The following PTPRZ1 variants were observed in gnomAD, a reference collection of about 807,000 sequenced individuals.
PTPRZ1 encodes the protein protein tyrosine phosphatase receptor type Z1.
PTPRZ1 carries 82 observed loss-of-function variants against 214.1 expected under a neutral mutation model. The observed-to-expected ratio is 0.38, with a 90% CI of 0.32 to 0.46. The LOEUF (loss-of-function observed/expected upper bound fraction) is 0.46, where lower values mean the gene tolerates loss of function less well. Among genes scored for constraint, PTPRZ1 ranks in the 20% least tolerant of loss-of-function variants. PTPRZ1 has a pLI of 1.00. For missense variants in PTPRZ1, 2,603 were observed against 2,748.7 expected (o/e 0.95, Z 1.19); for synonymous variants, 945 against 987.9 (o/e 0.96, Z 0.81).
intron 12 of PTPRZ1, among the ~76,000 whole-genome samples, chr7:122,017,999 G>A (rs1453149466): frequency 6.6e-6 from 1 of 152,070 alleles, no homozygotes; most frequent in Non-Finnish European, 1.5e-5. Flanking sequence ...TGCTATATAT[G>A]TGCACTTATA....
chr7:121,987,820 A>G (rs1388639792), intron 8 of PTPRZ1, among the ~76,000 whole-genome samples: 1 of 152,238 alleles, frequency 6.6e-6, no homozygotes, highest in African/African-American at 2.4e-5. Flanking sequence ...GTACATATAC[A>G]CTATGGAACA....
At chr7:121,918,341 A>G (rs1795487339) in intron 1 of PTPRZ1, among the ~76,000 whole-genome samples, 1 of 152,220 alleles carries the variant, frequency 6.6e-6, no homozygotes, top group Non-Finnish European at 1.5e-5. Context: ...AGGTTTACCC[A>G]CAAAATGCAG....
Position 122,061,384 on chromosome 7 carries a change from G to T in PTPRZ1, c.*164G>T. 2.0e-6 allele frequency: 1 copy of T among 502,172 alleles called. No individual in the cohort carries two copies. The highest frequency in any genetic ancestry group is 3.1e-6 in the Non-Finnish European group (1 of 319,664). 31.1% of individuals were successfully genotyped at this position (502,172 alleles called of 1,614,324 possible). A position where few individuals can be genotyped will look rare whatever the true frequency, so the allele number is the denominator to read the frequency against. ...CAAATTTATATCATTAACAATGTGTGCCTTTTTGCAAGACTTGTAATTTAC... is the reference window on the plus strand; with the variant it reads ...CAAATTTATATCATTAACAATGTGTTCCTTTTTGCAAGACTTGTAATTTAC... On this transcript the variant is annotated 3_prime_UTR_variant, in exon 30 of 30. Transcript: ENST00000393386.
At chr7:121,937,103 A>G (rs1402758681) in intron 2 of PTPRZ1, among the ~76,000 whole-genome samples, 2 of 152,168 alleles carry the variant, frequency 1.3e-5, no homozygotes, top group Non-Finnish European at 2.9e-5. Flanking sequence ...TCTAACTACC[A>G]CAGAATATTC....
intron 5 of PTPRZ1, among the ~76,000 whole-genome samples, 153 bp from the exon 6 acceptor site, chr7:121,976,628 CTTTA>C (rs1797443117): frequency 6.6e-6 from 1 of 151,848 alleles, no homozygotes; most frequent in Admixed American, 6.6e-5. Context: ...TTTTTGTTTG[CTTTA>C]TTTGTTTTCA....
intron 1 of PTPRZ1, among the ~76,000 whole-genome samples, chr7:121,878,890 G>GAA (rs200941915): frequency 8.6e-5 from 13 of 150,972 alleles, no homozygotes; most frequent in African/African-American, 2.9e-4. Flanking sequence ...AAGCTTCTTA[G>GAA]AAAAAAAAAT....
Position 122,061,386 on chromosome 7 carries a change from C to T in PTPRZ1, c.*166C>T. The T allele has an allele frequency of 2.0e-6, 1 of 489,250 alleles. No homozygotes were observed. Among genetic ancestry groups the T allele is most frequent in the Middle Eastern group, 5.3e-4 (1 of 1,904 alleles). The allele number at this position is 489,250 out of a possible 1,614,324, so 30.3% of individuals were successfully genotyped here. ...AATTTATATCATTAACAATGTGTGC[C>T]TTTTTGCAAGACTTGTAATTTACTT... On this transcript the variant is annotated 3_prime_UTR_variant, in exon 30 of 30. Coordinates refer to ENST00000393386, the MANE Select transcript of PTPRZ1 (RefSeq NM_002851.3).
chr7:121,886,497 C>T (rs987347155), intron 1 of PTPRZ1, among the ~76,000 whole-genome samples: 2 of 151,002 alleles, frequency 1.3e-5, no homozygotes, highest in African/African-American at 2.4e-5. Context: ...CACACACAGC[C>T]GTAAAAATAA....
intron 1 of PTPRZ1, among the ~76,000 whole-genome samples, chr7:121,889,281 T>G (rs1238306293): frequency 6.6e-6 from 1 of 152,098 alleles, no homozygotes; most frequent in Non-Finnish European, 1.5e-5. Context: ...CTTCTGAAGT[T>G]TTTGATAAGG....
chr7:122,023,591 T>C (rs1182397608), intron 13 of PTPRZ1, among the ~76,000 whole-genome samples: 1 of 122,304 alleles, frequency 8.2e-6, no homozygotes, highest in African/African-American at 3.5e-5. Context: ...ATTATATATA[T>C]TATATGTATA....
chr7:122,044,801 A>G (rs1799835460), intron 23 of PTPRZ1, among the ~76,000 whole-genome samples: 1 of 152,198 alleles, frequency 6.6e-6, no homozygotes, highest in Non-Finnish European at 1.5e-5. Flanking sequence ...TAACTTTTAT[A>G]AATGCAAACT....
At chr7:121,987,305 G>A (rs1201044874) in intron 8 of PTPRZ1, among the ~76,000 whole-genome samples, 1 of 152,090 alleles carries the variant, frequency 6.6e-6, no homozygotes, top group Non-Finnish European at 1.5e-5. Context: ...TCTTAAGGCA[G>A]GAAAATTAGC....
chr7:121,988,983 A>G (rs924215589), intron 8 of PTPRZ1, among the ~76,000 whole-genome samples: 1 of 152,246 alleles, frequency 6.6e-6, no homozygotes, highest in Non-Finnish European at 1.5e-5. Flanking sequence ...TAGTATCAGT[A>G]TTATGACAGA....
Position 122,012,094 on chromosome 7 carries a change from T to C in PTPRZ1, c.3048T>C (p.Leu1016=). The part of the protein sequence containing the change: ...LLPDTDGLTA[L]NISSPVSVAE... ...CTGACACAGATGGGCTGACAGCCCT[T>C]AACATTTCTTCACCTGTTTCTGTAG... The change falls in exon 12 of 30, where the codon CTT becomes CTC. Residue 1016 remains leucine (L), a synonymous_variant. Coordinates refer to ENST00000393386, the MANE Select transcript of PTPRZ1 (RefSeq NM_002851.3). 1 of 1,614,130 alleles carries C rather than the reference T, an allele frequency of 6.2e-7. No individual in the cohort carries two copies. Among genetic ancestry groups the C allele is most frequent in the South Asian group, 1.1e-5 (1 of 91,084 alleles).
chr7:121,961,791 TA>T (rs1796888815), intron 2 of PTPRZ1, among the ~76,000 whole-genome samples: 6 of 152,176 alleles, frequency 3.9e-5, no homozygotes, highest in Non-Finnish European at 7.3e-5. Context: ...CAAAATACAG[TA>T]TGTTAAGTGC....
At chr7:121,982,308 C>T (rs996382113) in intron 6 of PTPRZ1, among the ~76,000 whole-genome samples, 1 of 152,174 alleles carries the variant, frequency 6.6e-6, no homozygotes, top group African/African-American at 2.4e-5. Context: ...TATGACAGCT[C>T]TTCCTATCTG....
In PTPRZ1 at chr7:121,928,198, A is replaced by T. The variant is rs1429244460; in HGVS notation, c.101A>T (p.Glu34Val). The part of the protein sequence containing the change: ...GYYRQQRKLV[E>V]EIGWSYTGAL... Reference sequence around the variant, plus strand: ...TACAGACAACAGAGAAAACTTGTTGAAGAGATTGGCTGGTCCTATACAGGT... The same window carrying T: ...TACAGACAACAGAGAAAACTTGTTGTAGAGATTGGCTGGTCCTATACAGGT... Residue 34 changes from glutamate to valine, a missense_variant, in exon 2 of 30, where the codon GAA becomes GTA. Physicochemically the swap from Glu to Val is moderately radical, Grantham distance 121. This residue lies in a region of PTPRZ1 where 141 missense variants were observed against 143.7 expected (regional missense o/e 0.98). Coordinates refer to ENST00000393386, the MANE Select transcript of PTPRZ1 (RefSeq NM_002851.3). The T allele has an allele frequency of 4.3e-6, 7 of 1,612,572 alleles. No homozygotes were observed. Among genetic ancestry groups the T allele is most frequent in the Non-Finnish European group, 5.9e-6 (7 of 1,178,754 alleles).
chr7:121,999,016 T>C (rs997427233), intron 10 of PTPRZ1, among the ~76,000 whole-genome samples: 7 of 152,162 alleles, frequency 4.6e-5, no homozygotes. Flanking sequence ...TACTTGCTCA[T>C]TGATCACCTT....
chr7:121,936,087 C>T (rs1206512), intron 2 of PTPRZ1, among the ~76,000 whole-genome samples: 3,554 of 152,302 alleles, frequency 0.023, 89 homozygotes, highest in African/African-American at 0.06. Flanking sequence ...CAATTTCATG[C>T]ATCAGTAAGG....
Sources: allele counts gnomAD v4.1 joint callset (sites outside exome capture counted in the v4.1 genomes callset), GRCh38; gene constraint gnomAD v4.1.1; regional missense constraint gnomAD v4.1.1; transcripts MANE v1.5; gene names NCBI Gene and HGNC (gene_info 2026-07-23, HGNC 2026-07-21).